SEL1L3: variants seen among roughly 807,000 people sequenced by gnomAD.
SEL1L3 encodes the protein SEL1L family member 3, also known as protein sel-1 homolog 3.
Under a neutral mutation model 142.8 loss-of-function variants are expected in SEL1L3, and 76 were observed. That is an observed-to-expected ratio of 0.53 (90% CI 0.44 to 0.64). The LOEUF is 0.64. SEL1L3 is among the 30% of genes least tolerant of loss of function. The probability of loss-of-function intolerance (pLI) is 0.00; values close to 1 mark genes in which losing one functional copy is unlikely to be tolerated. For synonymous variants in SEL1L3, 504 were observed against 519.6 expected (o/e 0.97, Z 0.41); for missense variants, 1,262 against 1,381.7 (o/e 0.91, Z 1.37).
chr4:25,777,165 A>G (rs1719693343), intron 16 of SEL1L3, among the ~76,000 whole-genome samples: 1 of 152,122 alleles, frequency 6.6e-6, no homozygotes, highest in African/African-American at 2.4e-5. Context: ...TAAATCATAC[A>G]AACTCTAACA....
intron 23 of SEL1L3, chr4:25,756,888 C>G: frequency 7.8e-7 from 1 of 1,284,638 alleles, no homozygotes; most frequent in South Asian, 1.2e-5. Context: ...GCTGTGTTTT[C>G]AGGCACACAG....
At chr4:25,853,042 T>C (rs1467166761) in intron 1 of SEL1L3, among the ~76,000 whole-genome samples, 2 of 152,206 alleles carry the variant, frequency 1.3e-5, no homozygotes, top group Non-Finnish European at 1.5e-5. Context: ...GTGGTTTCAG[T>C]TTTGTTTGAT....
At chr4:25,784,134 T>C in intron 14 of SEL1L3, 94 bp downstream of exon 14, 1 of 1,071,274 alleles carries the variant, frequency 9.3e-7, no homozygotes, top group Non-Finnish European at 1.4e-6. Context: ...TAGGGCTTTG[T>C]AGGAAGAGGC....
the SEL1L3 span, among the ~76,000 whole-genome samples, chr4:25,739,469 G>A: frequency 3.3e-5 from 5 of 152,166 alleles, no homozygotes; most frequent in East Asian, 5.8e-4. Context: ...CACCTTGGGA[G>A]GCCGAGGAGG....
chr4:25,851,403 C>A (rs1352781119), intron 1 of SEL1L3, among the ~76,000 whole-genome samples: 4 of 151,778 alleles, frequency 2.6e-5, no homozygotes, highest in African/African-American at 4.8e-5. Context: ...ACACTCACAC[C>A]ACACACACAC....
chr4:25,773,060 G>C (rs1178075086), intron 17 of SEL1L3, among the ~76,000 whole-genome samples: 1 of 152,170 alleles, frequency 6.6e-6, no homozygotes, highest in East Asian at 1.9e-4. Flanking sequence ...GCCTCCCAAA[G>C]TGCTGGGATT....
intron 1 of SEL1L3, among the ~76,000 whole-genome samples, chr4:25,858,444 T>G (rs182997867): frequency 6.6e-6 from 1 of 152,374 alleles, no homozygotes; most frequent in Non-Finnish European, 1.5e-5. Context: ...CTTAGATGGA[T>G]GACCGAGGGT....
intron 1 of SEL1L3, among the ~76,000 whole-genome samples, chr4:25,858,577 TTTG>T (rs1328700202): frequency 2.2e-5 from 3 of 138,842 alleles, no homozygotes; most frequent in South Asian, 2.1e-4. Context: ...TTTTGATTTT[TTTG>T]TTTGTTTGTT....
At chr4:25,772,603 G>A (rs1374628954) in intron 17 of SEL1L3, among the ~76,000 whole-genome samples, 2 of 148,802 alleles carry the variant, frequency 1.3e-5, no homozygotes, top group Admixed American at 1.3e-4. Flanking sequence ...AAGGGAAAAG[G>A]AAAGGAAAAG....
chr4:25,843,946 C>T (rs955301670), intron 2 of SEL1L3, among the ~76,000 whole-genome samples: 9 of 152,228 alleles, frequency 5.9e-5, no homozygotes, highest in Non-Finnish European at 1.0e-4. Context: ...ACTTCCAGAA[C>T]GCCCGGGCAC....
chr4:25,772,791 T>TTTTA (rs555464607), intron 17 of SEL1L3, among the ~76,000 whole-genome samples: 1 of 152,012 alleles, frequency 6.6e-6, no homozygotes, highest in African/African-American at 2.4e-5. Flanking sequence ...TGAATCTTAT[T>TTTTA]TTTATTTATT....
intron 6 of SEL1L3, among the ~76,000 whole-genome samples, chr4:25,828,525 C>CA (rs968636802): frequency 4.0e-5 from 6 of 151,260 alleles, no homozygotes; most frequent in Non-Finnish European, 8.8e-5. Flanking sequence ...GCTGGGATTA[C>CA]AGGTGCGCAC....
chr4:25,728,705 T>A, the SEL1L3 span, among the ~76,000 whole-genome samples: 2 of 151,664 alleles, frequency 1.3e-5, no homozygotes, highest in South Asian at 4.2e-4. Flanking sequence ...AGCGGGAGGA[T>A]CACTTGAGGT....
chr4:25,841,042 T>C (rs1327758636), intron 2 of SEL1L3, among the ~76,000 whole-genome samples: 1 of 151,456 alleles, frequency 6.6e-6, no homozygotes, highest in Non-Finnish European at 1.5e-5. Flanking sequence ...CTTCTTCTTC[T>C]CTTTTTTTGA....
chr4:25,847,704 G>A lies in SEL1L3; in HGVS notation c.323C>T (p.Pro108Leu). The A allele has an allele frequency of 6.2e-7, 1 of 1,613,804 alleles. No homozygotes were observed. The highest frequency in any genetic ancestry group is 1.1e-5 in the South Asian group (1 of 91,064). The change falls in exon 2 of 24, where the codon CCT becomes CTT. Residue 108 changes from proline (P) to leucine (L), a missense_variant. Around this residue, in one of 3 missense-constraint regions of SEL1L3, gnomAD observed 689 missense variants for 692.8 expected, o/e 0.99. Coordinates refer to ENST00000399878, the MANE Select transcript of SEL1L3 (RefSeq NM_015187.5). ...AACTGCTTCCAAATTGACAACACAA[G>A]GCTGAGAGCATAAATACTCAACCGA... ...EVSVEYLCSQ[P>L]CVVNLEAVVS...
intron 6 of SEL1L3, among the ~76,000 whole-genome samples, chr4:25,829,725 T>C (rs944182413): frequency 2.0e-5 from 3 of 152,210 alleles, no homozygotes; most frequent in Admixed American, 1.3e-4. Context: ...TTATGTCTTA[T>C]ATGAGGCCAA....
At chr4:25,782,563 G>T in intron 14 of SEL1L3, 145 bp from the exon 15 acceptor site, 1 of 713,342 alleles carries the variant, frequency 1.4e-6, no homozygotes. Flanking sequence ...TTAAAGAAAA[G>T]CTAAGTGCTA....
At position 25,818,265 on chromosome 4, in the gene SEL1L3, G is replaced by T; in HGVS notation, c.1437C>A (p.Asn479Lys). 6.2e-7 allele frequency: 1 copy of T among 1,600,742 alleles called. No individual in the cohort carries two copies. The highest frequency in any genetic ancestry group is 8.5e-7 in the Non-Finnish European group (1 of 1,173,618). ...ACCTGCGCTGGAGGTCCAGGTAGGAGTTGTGGAGGTGGCCTACACAGAAGA... is the reference window on the plus strand; with the variant it reads ...ACCTGCGCTGGAGGTCCAGGTAGGATTTGTGGAGGTGGCCTACACAGAAGA... ...GERQEACHLH[N>K]SYLDLQRRYG... Residue 479 changes from asparagine to lysine, a missense_variant, in exon 9 of 24, where the codon AAC becomes AAA. Physicochemically the swap from Asn to Lys is moderately conservative, Grantham distance 94. Transcript: ENST00000399878.
rs1045759356 is a variant in SEL1L3 at position 25,756,835 on chromosome 4, A to G, written c.3259+699T>C. 6.3e-6 allele frequency: 8 copies of G among 1,272,352 alleles called. No individual in the cohort carries two copies. The Admixed American group carries it at 1.9e-4, about 30-fold the overall frequency. 78.8% of individuals were successfully genotyped at this position (1,272,352 alleles called of 1,614,324 possible). ...ATCCTCTTACACATCTGATTGCTTG[A>G]CTGAAATGAAAGGGAAGACTTCATG... is the stretch of plus-strand genomic sequence containing the variant. On this transcript the variant is annotated intron_variant, in intron 23 of 23. Transcript: ENST00000399878.
Sources: gnomAD v4.1 joint callset for allele counts (sites outside exome capture counted in the v4.1 genomes callset) on GRCh38, gnomAD v4.1.1 for gene constraint, gnomAD v4.1.1 regional missense constraint, MANE v1.5 for transcripts, NCBI Gene and HGNC (gene_info 2026-07-23, HGNC 2026-07-21) for gene names.